ATRNL1: variants seen among roughly 807,000 people sequenced by gnomAD.
ATRNL1 encodes attractin like 1.
A neutral mutation model predicts 182.7 loss-of-function variants in ATRNL1; 95 were observed. The observed-to-expected ratio is 0.52, with a 90% CI of 0.44 to 0.62. The LOEUF (loss-of-function observed/expected upper bound fraction) is 0.62. ATRNL1 is among the 20% of genes least tolerant of loss of function. The pLI is 0.00. For synonymous variants in ATRNL1, 576 were observed against 568.3 expected, an observed-to-expected ratio of 1.01 and a Z score of -0.19; for missense variants, 1,471 against 1,679.5, an observed-to-expected ratio of 0.88 and a Z score of 2.17.
chr10:115,378,105 T>A (rs888761895), intron 19 of ATRNL1, among the ~76,000 whole-genome samples: 14 of 152,128 alleles, frequency 9.2e-5, no homozygotes, highest in Middle Eastern at 3.4e-3. Flanking sequence ...TGCTTCAGGG[T>A]CTACACCTGA....
chr10:115,541,249 A>G (rs1565149297), intron 25 of ATRNL1, among the ~76,000 whole-genome samples: 1 of 152,284 alleles, frequency 6.6e-6, no homozygotes, highest in East Asian at 1.9e-4. Flanking sequence ...AAAAATGACA[A>G]TAGACTGACA....
chr10:115,192,464 T>A (rs1848204754), intron 8 of ATRNL1, among the ~76,000 whole-genome samples: 2 of 152,080 alleles, frequency 1.3e-5, no homozygotes, highest in Admixed American at 1.3e-4. Flanking sequence ...TATTTCTGTT[T>A]TTATGCCAGT....
At chr10:115,181,111 A>G (rs148933464) in intron 8 of ATRNL1, among the ~76,000 whole-genome samples, 1 of 152,020 alleles carries the variant, frequency 6.6e-6, no homozygotes, top group East Asian at 1.9e-4. Flanking sequence ...AAATGGGAAC[A>G]CTTCAGGTAA....
At chr10:115,592,943 C>CTGTCTATA (rs1856001736) in intron 26 of ATRNL1, among the ~76,000 whole-genome samples, 1 of 152,102 alleles carries the variant, frequency 6.6e-6, no homozygotes, top group Non-Finnish European at 1.5e-5. Flanking sequence ...GTCTGTCTAT[C>CTGTCTATA]TGTCTATCTA....
intron 19 of ATRNL1, among the ~76,000 whole-genome samples, chr10:115,355,434 G>T (rs1856460932): frequency 6.6e-6 from 1 of 152,098 alleles, no homozygotes; most frequent in Non-Finnish European, 1.5e-5. Flanking sequence ...TTCTGAAAGT[G>T]AAGGGAGAAT....
At chr10:115,482,109 C>G (rs1554974281) in intron 24 of ATRNL1, among the ~76,000 whole-genome samples, 2 of 150,886 alleles carry the variant, frequency 1.3e-5, no homozygotes. Flanking sequence ...TTCAGAATCT[C>G]TCAATAGATA....
intron 27 of ATRNL1, among the ~76,000 whole-genome samples, chr10:115,830,206 C>A (rs1170675011): frequency 1.3e-5 from 2 of 152,104 alleles, no homozygotes; most frequent in Non-Finnish European, 2.9e-5. Flanking sequence ...TTGTTTTTAG[C>A]AGAAACTAAT....
At chr10:115,210,313 TA>T in intron 8 of ATRNL1, among the ~76,000 whole-genome samples, 1 of 152,064 alleles carries the variant, frequency 6.6e-6, no homozygotes, top group African/African-American at 2.4e-5. Flanking sequence ...CCTATGATCT[TA>T]CTTAGAAATT....
At chr10:115,343,884 A>G (rs535790545) in intron 19 of ATRNL1, among the ~76,000 whole-genome samples, 1 of 152,314 alleles carries the variant, frequency 6.6e-6, no homozygotes, top group Admixed American at 6.5e-5. Context: ...ACAAACTCAT[A>G]GAGGGACTGC....
At chr10:115,687,182 A>G (rs919021500) in intron 26 of ATRNL1, among the ~76,000 whole-genome samples, 3 of 152,048 alleles carry the variant, frequency 2.0e-5, no homozygotes, top group African/African-American at 4.8e-5. Flanking sequence ...ATAATTATAC[A>G]TATAATTGTG....
chr10:115,508,379 A>G (rs1323710311), intron 24 of ATRNL1, among the ~76,000 whole-genome samples: 1 of 152,052 alleles, frequency 6.6e-6, no homozygotes, highest in Non-Finnish European at 1.5e-5. Context: ...TGTTCAAATG[A>G]AAAGAATTGT....
chr10:115,426,281 C>G lies in ATRNL1; in HGVS notation c.3301C>G (p.Pro1101Ala). 6.2e-7 allele frequency: 1 copy of G among 1,611,464 alleles called. No homozygotes were observed. The highest frequency in any genetic ancestry group is 8.5e-7 in the Non-Finnish European group (1 of 1,178,208). ...CDSENRYVGN[P>A]LRGTCYYSLL... The stretch of plus-strand genomic sequence containing the variant: ...CTCTGAAAATCGCTATGTTGGTAAT[C>G]CACTTAGAGGAACATGTTATTGTAA... The change falls in exon 21 of 29, where the codon CCA (proline) becomes GCA (alanine). Residue 1101 changes from proline to alanine, a missense_variant. Transcript: ENST00000355044.
intron 28 of ATRNL1, among the ~76,000 whole-genome samples, chr10:115,931,051 A>C (rs1198141807): frequency 6.6e-6 from 1 of 152,194 alleles, no homozygotes; most frequent in Non-Finnish European, 1.5e-5. Flanking sequence ...CAAATGCTTT[A>C]AAAACATAGT....
intron 1 of ATRNL1, chr10:115,096,745 G>A: frequency 2.3e-6 from 3 of 1,281,468 alleles, no homozygotes; most frequent in Non-Finnish European, 3.0e-6. Flanking sequence ...TATCAAAAGT[G>A]GTACTTCAGT....
At chr10:115,722,007 T>A (rs984502464) in intron 26 of ATRNL1, among the ~76,000 whole-genome samples, 1 of 152,176 alleles carries the variant, frequency 6.6e-6, no homozygotes, top group Non-Finnish European at 1.5e-5. Flanking sequence ...ATAACTAATC[T>A]TAAGGTTTTA....
At position 115,368,261 on chromosome 10, in the gene ATRNL1, A is replaced by G. The variant is rs569605463; in HGVS notation, c.3176-26398A>G. Among the ~76,000 whole-genome samples the G allele has an allele frequency of 4.1e-3, 631 of 152,296 alleles. 3 individuals are homozygous for G. The highest frequency in any genetic ancestry group is 0.013 in the African/African-American group (552 of 41,560). On this transcript the variant is annotated intron_variant, in intron 19 of 28. Coordinates refer to ENST00000355044, the MANE Select transcript of ATRNL1 (RefSeq NM_207303.4). ...TTTTTAAGCCGGTCCGAAAAGCGCA[A>G]TATTCGGGTGGGAGTGACCCGATTT...
At chr10:115,809,827 A>T (rs1439748445) in intron 27 of ATRNL1, among the ~76,000 whole-genome samples, 1 of 151,892 alleles carries the variant, frequency 6.6e-6, no homozygotes, top group Non-Finnish European at 1.5e-5. Context: ...TGTCTAGTAC[A>T]CTGTGGAATT....
intron 17 of ATRNL1, 110 bp downstream of exon 17, chr10:115,302,153 T>C: frequency 9.2e-7 from 1 of 1,085,096 alleles, no homozygotes; most frequent in East Asian, 2.5e-5. Context: ...TGAGAAAAAA[T>C]ATTGTTACGG....
chr10:115,323,969 G>A (rs905217844), intron 18 of ATRNL1, among the ~76,000 whole-genome samples: 62 of 151,052 alleles, frequency 4.1e-4, no homozygotes, highest in Non-Finnish European at 7.2e-4. Context: ...AGTAGCGATG[G>A]GGTTTCACCG....
Sources: gnomAD v4.1 joint callset for allele counts (sites outside exome capture counted in the v4.1 genomes callset) on GRCh38, gnomAD v4.1.1 for gene constraint, MANE v1.5 for transcripts, NCBI Gene and HGNC (gene_info 2026-07-23, HGNC 2026-07-21) for gene names.